The following ATRIP variants were observed in gnomAD, a reference collection of about 807,000 sequenced individuals.
ATRIP encodes the protein ATR-interacting protein.
Under a neutral mutation model 78.1 loss-of-function variants are expected in ATRIP, and 44 were observed. The ratio of observed to expected loss-of-function variants is 0.56; its 90% confidence interval spans 0.44 to 0.72. The LOEUF is 0.72. ATRIP is among the 30% of genes least tolerant of loss of function. The pLI, the probability that ATRIP is intolerant of heterozygous loss-of-function variation, is 0.00. For missense variants in ATRIP, 927 were observed against 980.2 expected, an observed-to-expected ratio of 0.95 and a Z score of 0.72; for synonymous variants, 388 against 408.9, an observed-to-expected ratio of 0.95 and a Z score of 0.62.
rs746546058 is a variant in ATRIP, at chr3:48,464,965, A to G, written c.2190A>G (p.Leu730=). ...ACACGGTGCTGCTGCTGCACGGCCT[A>G]TCGCAGAAGGACAAGCTCTTCATGA... ...LRDTVLLLHG[L]SQKDKLFMMH... is the part of the protein sequence containing the mutation. The change falls in exon 12 of 13, where the codon CTA becomes CTG. Residue 730 remains leucine, a synonymous_variant. Coordinates refer to ENST00000320211, the MANE Select transcript of ATRIP (RefSeq NM_130384.3). 6 of 1,614,066 alleles carry G rather than the reference A, an allele frequency of 3.7e-6. No homozygotes were observed. Among genetic ancestry groups the G allele is most frequent in the South Asian group, 3.3e-5 (3 of 91,090 alleles).
chr3:48,447,108 G>A lies in ATRIP; in HGVS notation c.247+16G>A. 1 of 1,502,714 alleles carries A rather than the reference G, an allele frequency of 6.7e-7. No individual in the cohort carries two copies. Among genetic ancestry groups the A allele is most frequent in the Non-Finnish European group, 8.9e-7 (1 of 1,123,674 alleles). The allele number at this position is 1,502,714 out of a possible 1,614,324, so 93.1% of individuals were successfully genotyped here. ...GACGTGTCCAGTGAGTGCTCCTCGC[G>A]GCCTTTTGCTCGGAGGGAGTTGTCA... On this transcript the variant is annotated intron_variant, in intron 1 of 12. Transcript: ENST00000320211.
At chr3:48,452,315 A>C (rs188706843) in intron 3 of ATRIP, among the ~76,000 whole-genome samples, 3 of 152,254 alleles carry the variant, frequency 2.0e-5, no homozygotes, top group African/African-American at 4.8e-5. Flanking sequence ...TATGCTATAA[A>C]CAGGCTCTAT....
intron 8 of ATRIP, 93 bp downstream of exon 8, chr3:48,460,892 A>C: frequency 8.3e-7 from 1 of 1,197,674 alleles, no homozygotes; most frequent in Non-Finnish European, 1.2e-6. Context: ...TCACATCTTG[A>C]CTTATCTACA....
intron 3 of ATRIP, among the ~76,000 whole-genome samples, chr3:48,453,547 A>G (rs1431429024): frequency 6.6e-6 from 1 of 152,164 alleles, no homozygotes; most frequent in African/African-American, 2.4e-5. Context: ...AGACTCACAC[A>G]TTCTTGCACT....
chr3:48,465,745 G>C lies in ATRIP; in HGVS notation c.*191G>C, dbSNP rs2040268161. 1.7e-6 allele frequency: 1 copy of C among 572,926 alleles called. No individual in the cohort carries two copies. 35.5% of individuals were successfully genotyped at this position (572,926 alleles called of 1,614,324 possible). The stretch of plus-strand genomic sequence containing the variant: ...CTGAGTGGCTGGGATCCTTCTTCCT[G>C]TCCCTGGCTGTTGCTGAGCCCGTCC... On this transcript the variant is annotated 3_prime_UTR_variant, in exon 13 of 13. Coordinates refer to ENST00000320211, the MANE Select transcript of ATRIP (RefSeq NM_130384.3).
Position 48,451,772 on chromosome 3 carries a change from T to C in ATRIP, c.425T>C (p.Ile142Thr), listed in dbSNP as rs1204508412. ...EEEVLIKNGE[I>T]KILRDSLHQT... The stretch of plus-strand genomic sequence containing the variant: ...GAAGTTCTCATTAAGAATGGAGAAA[T>C]TAAAATTTTGCGAGACTCACTACAT... The change falls in exon 3 of 13, where the codon ATT becomes ACT. Residue 142 changes from isoleucine (I) to threonine (T), a missense_variant. Physicochemically the swap from Ile to Thr is moderately conservative, Grantham distance 89. Transcript: ENST00000320211. 4 of 1,606,452 alleles carry C rather than the reference T, an allele frequency of 2.5e-6. No individual in the cohort carries two copies. Among genetic ancestry groups the C allele is most frequent in the Non-Finnish European group, 1.7e-6 (2 of 1,175,998 alleles).
At position 48,467,272 on chromosome 3, in the gene ATRIP, G is replaced by A. The variant is rs948201418; in HGVS notation, c.*1718G>A. On this transcript the variant is annotated 3_prime_UTR_variant, in exon 13 of 13. Transcript: ENST00000320211. ...GAGGGTGATGTCCTGGCCCTGCTCA[G>A]CATCTGTCAGTGGAGACCACAGGCC... The A allele has an allele frequency of 6.2e-7, 1 of 1,614,170 alleles. No homozygotes were observed. Among genetic ancestry groups the A allele is most frequent in the Non-Finnish European group, 8.5e-7 (1 of 1,180,040 alleles).
At chr3:48,450,214 T>C (rs1215024653) in intron 2 of ATRIP, 44 bp downstream of exon 2, 2 of 1,585,946 alleles carry the variant, frequency 1.3e-6, no homozygotes, top group Non-Finnish European at 1.7e-6. Flanking sequence ...TTCATTCACT[T>C]ACGTGTTTAA....
chr3:48,461,065 G>A (rs1484194884), intron 8 of ATRIP, among the ~76,000 whole-genome samples: 1 of 152,216 alleles, frequency 6.6e-6, no homozygotes, highest in Non-Finnish European at 1.5e-5. Context: ...CTGTGGAGGA[G>A]GGCCCTGCCC....
At chr3:48,464,001 G>A (rs1677804522) in intron 9 of ATRIP, 40 bp from the exon 10 acceptor site, 2 of 1,608,014 alleles carry the variant, frequency 1.2e-6, no homozygotes, top group South Asian at 1.1e-5. Context: ...CTCTTTATGA[G>A]AAAGGGCACC....
At position 48,446,884 on chromosome 3, in the gene ATRIP, C is replaced by T; in HGVS notation, c.39C>T (p.Ser13=). Residue 13 remains serine, a synonymous_variant, in exon 1 of 13, where the codon AGC becomes AGT. Transcript: ENST00000320211. ...GTSAPGSKRR[S]EPPAPRPGPP... Reference sequence around the variant, plus strand: ...CCGCGCCAGGCAGCAAGAGGCGGAGCGAGCCCCCGGCGCCTCGCCCCGGCC... The same window carrying T: ...CCGCGCCAGGCAGCAAGAGGCGGAGTGAGCCCCCGGCGCCTCGCCCCGGCC... 2 of 1,398,878 alleles carry T rather than the reference C, an allele frequency of 1.4e-6. No homozygotes were observed. The highest frequency in any genetic ancestry group is 1.9e-6 in the Non-Finnish European group (2 of 1,079,552). The allele number at this position is 1,398,878 out of a possible 1,614,324, so 86.7% of individuals were successfully genotyped here.
Position 48,460,211 on chromosome 3 carries a change from T to C in ATRIP, c.1157T>C (p.Leu386Pro). 1 of 1,614,180 alleles carries C rather than the reference T, an allele frequency of 6.2e-7. No individual in the cohort carries two copies. The highest frequency in any genetic ancestry group is 8.5e-7 in the Non-Finnish European group (1 of 1,180,040). ...GCACAGAACCTGGCATTCACTGGAC[T>C]GAATCTGGTTGCCCGGAATGAGTGC... ...REAQNLAFTG[L>P]NLVARNECSR... is the part of the protein sequence containing the mutation. Residue 386 changes from leucine to proline, a missense_variant, in exon 8 of 13, where the codon CTG becomes CCG. By Grantham distance (98) the Leu-to-Pro change is moderately conservative. Transcript: ENST00000320211.
At chr3:48,447,194 C>A in intron 1 of ATRIP, 102 bp downstream of exon 1, 1 of 1,300,500 alleles carries the variant, frequency 7.7e-7, no homozygotes, top group Non-Finnish European at 9.8e-7. Flanking sequence ...ACTGCCTTTT[C>A]GCCTTTTTAA....
At chr3:48,448,348 T>C (rs1044832244) in intron 1 of ATRIP, among the ~76,000 whole-genome samples, 5 of 152,030 alleles carry the variant, frequency 3.3e-5, no homozygotes, top group African/African-American at 1.2e-4. Flanking sequence ...CCTGGCTAAT[T>C]TTTGTATTTT....
At chr3:48,453,122 A>G (rs1409576522) in intron 3 of ATRIP, among the ~76,000 whole-genome samples, 1 of 152,108 alleles carries the variant, frequency 6.6e-6, no homozygotes, top group Non-Finnish European at 1.5e-5. Flanking sequence ...GGGCTCATGC[A>G]GTCCTCCCAC....
chr3:48,466,840 G>A lies in ATRIP; in HGVS notation c.*1286G>A, dbSNP rs547752029. 16 of 1,613,966 alleles carry A rather than the reference G, an allele frequency of 9.9e-6. No homozygotes were observed. Among genetic ancestry groups the A allele is most frequent in the Admixed American group, 5.0e-5 (3 of 60,020 alleles). ...CCTCCCACAGTTCCTCCACCACCGCGTGTGGTAGACAAGCTCTCCCTGTGT... is the reference window on the plus strand; with the variant it reads ...CCTCCCACAGTTCCTCCACCACCGCATGTGGTAGACAAGCTCTCCCTGTGT... On this transcript the variant is annotated 3_prime_UTR_variant, in exon 13 of 13. Transcript: ENST00000320211.
Position 48,466,370 on chromosome 3 carries a change from C to A in ATRIP, c.*816C>A. On this transcript the variant is annotated 3_prime_UTR_variant, in exon 13 of 13. Coordinates refer to ENST00000320211, the MANE Select transcript of ATRIP (RefSeq NM_130384.3). ...AGGAGGGCCATGGGTTCCCCCACCC[C>A]AGACTAAGGGGGCACTAGGGGAGGG... The A allele has an allele frequency of 7.1e-7, 1 of 1,401,044 alleles. No homozygotes were observed. The highest frequency in any genetic ancestry group is 1.0e-6 in the Non-Finnish European group (1 of 1,004,504). The allele number at this position is 1,401,044 out of a possible 1,614,324, so 86.8% of individuals were successfully genotyped here.
intron 1 of ATRIP, chr3:48,447,430 G>C (rs2039708459): frequency 2.9e-6 from 3 of 1,029,130 alleles, no homozygotes; most frequent in Non-Finnish European, 2.3e-6. Flanking sequence ...CATGCATGGG[G>C]ACCCATTCTT....
chr3:48,459,454 G>A lies in ATRIP; in HGVS notation c.925G>A (p.Gly309Ser). 1 of 1,613,252 alleles carries A rather than the reference G, an allele frequency of 6.2e-7. No homozygotes were observed. Among genetic ancestry groups the A allele is most frequent in the East Asian group, 2.2e-5 (1 of 44,876 alleles). The stretch of plus-strand genomic sequence containing the variant: ...CTGGAGACAGAGATCAAACACTCAA[G>A]GTACCAGAATCCCTGCTTCTCCTGC... ...DSWRQRSNTQ[G>S]SILINLLLKQ... Residue 309 changes from glycine to serine, a missense_variant and splice_region_variant, in exon 6 of 13, where the codon GGT (glycine) becomes AGT (serine). Coordinates refer to ENST00000320211, the MANE Select transcript of ATRIP (RefSeq NM_130384.3).
Sources: allele counts gnomAD v4.1 joint callset (sites outside exome capture counted in the v4.1 genomes callset), GRCh38; gene constraint gnomAD v4.1.1; transcripts MANE v1.5; gene names NCBI Gene and HGNC (gene_info 2026-07-23, HGNC 2026-07-21).